Variants in NCOA2 observed in about 807,000 individuals in gnomAD.
NCOA2 encodes class E basic helix-loop-helix protein 75.
Under a neutral mutation model 145.1 loss-of-function variants are expected in NCOA2, and 21 were observed. The observed-to-expected ratio is 0.14, with a 90% CI of 0.10 to 0.21. The LOEUF is 0.21. Ranked by LOEUF, NCOA2 falls within the 10% of genes least tolerant of loss-of-function variation. NCOA2 has a pLI of 1.00. For synonymous variants in NCOA2, 619 were observed against 637.5 expected, an observed-to-expected ratio of 0.97 and a Z score of 0.44; for missense variants, 1,472 against 1,837.6, an observed-to-expected ratio of 0.80 and a Z score of 3.64.
chr8:70,334,235 C>T lies in NCOA2; in HGVS notation c.-76-37435G>A, dbSNP rs80244427. 3.7e-4 allele frequency among the ~76,000 whole-genome samples: 57 copies of T among 152,276 alleles called. No individual in the cohort carries two copies. In the East Asian group the frequency reaches 5.8e-3, roughly 15 times the overall value. On this transcript the variant is annotated intron_variant, in intron 1 of 22. Coordinates refer to ENST00000452400, the MANE Select transcript of NCOA2 (RefSeq NM_006540.4). The stretch of plus-strand genomic sequence containing the variant: ...ATGGACACCAAAGAATCAAATCAGC[C>T]GTATCACTGAACAATCACAAAATGG...
At chr8:70,346,634 A>C (rs1808674457) in intron 1 of NCOA2, among the ~76,000 whole-genome samples, 1 of 152,216 alleles carries the variant, frequency 6.6e-6, no homozygotes, top group Non-Finnish European at 1.5e-5. Flanking sequence ...CTGAGTGTAC[A>C]TTATTCGCCA....
chr8:70,246,053 A>G (rs1020176480), intron 2 of NCOA2, among the ~76,000 whole-genome samples: 11 of 152,266 alleles, frequency 7.2e-5, no homozygotes, highest in African/African-American at 2.2e-4. Context: ...ATCTTAAAAA[A>G]TAATAATCAG....
At chr8:70,277,208 A>G (rs1365847156) in intron 2 of NCOA2, among the ~76,000 whole-genome samples, 2 of 152,200 alleles carry the variant, frequency 1.3e-5, no homozygotes, top group Admixed American at 1.3e-4. Context: ...ATGCCCAAAA[A>G]TGGTCTGTAT....
In NCOA2 at chr8:70,315,055, A is replaced by G. The variant is rs569762469; in HGVS notation, c.-76-18255T>C. On this transcript the variant is annotated intron_variant, in intron 1 of 22. Coordinates refer to ENST00000452400, the MANE Select transcript of NCOA2 (RefSeq NM_006540.4). ...TTTGACGAGCTAAGGAAGGCAATGC[A>G]CTGTGCCTCACAATCACTTTTTGCC... Among the ~76,000 whole-genome samples, 5 of 152,360 alleles carry G rather than the reference A, an allele frequency of 3.3e-5. No individual in the cohort carries two copies. In the East Asian group the frequency reaches 7.7e-4, roughly 24 times the overall value.
intron 4 of NCOA2, among the ~76,000 whole-genome samples, chr8:70,181,596 T>C (rs928180424): frequency 5.1e-4 from 77 of 152,312 alleles, no homozygotes; most frequent in African/African-American, 1.7e-3. Flanking sequence ...TTACAGAAGC[T>C]GTATTATTTA....
chr8:70,400,826 T>C (rs1258138806), intron 1 of NCOA2, among the ~76,000 whole-genome samples: 2 of 152,236 alleles, frequency 1.3e-5, no homozygotes, highest in Non-Finnish European at 2.9e-5. Context: ...TCCCTAGAAC[T>C]GCAGTCCCCT....
intron 1 of NCOA2, among the ~76,000 whole-genome samples, chr8:70,332,725 C>T (rs1464782113): frequency 1.3e-5 from 2 of 152,166 alleles, no homozygotes; most frequent in African/African-American, 2.4e-5. Context: ...GTGACCAACA[C>T]TTGCTTTCTT....
At chr8:70,271,597 C>T (rs185980708) in intron 2 of NCOA2, among the ~76,000 whole-genome samples, 167 of 152,316 alleles carry the variant, frequency 1.1e-3, no homozygotes, top group Non-Finnish European at 3.1e-4. Flanking sequence ...TGATTAAATG[C>T]TTTCCAGAGC....
chr8:70,229,546 AGTT>A (rs1313232300), intron 2 of NCOA2, among the ~76,000 whole-genome samples: 1 of 152,108 alleles, frequency 6.6e-6, no homozygotes, highest in Non-Finnish European at 1.5e-5. Context: ...ACAATGCTAG[AGTT>A]GTTGTGGGGA....
chr8:70,308,200 A>G (rs1189109119), intron 1 of NCOA2, among the ~76,000 whole-genome samples: 1 of 152,182 alleles, frequency 6.6e-6, no homozygotes, highest in Non-Finnish European at 1.5e-5. Flanking sequence ...AAATGTGAAG[A>G]ATCTGACTTT....
chr8:70,212,192 A>C (rs768125364), intron 4 of NCOA2, among the ~76,000 whole-genome samples: 1 of 152,006 alleles, frequency 6.6e-6, no homozygotes. Context: ...AAGAAGCTTA[A>C]TGATTTCTTT....
the NCOA2 span, among the ~76,000 whole-genome samples, chr8:70,415,027 G>A: frequency 6.6e-6 from 1 of 152,116 alleles, no homozygotes; most frequent in African/African-American, 2.4e-5. Context: ...TGGAGACTAG[G>A]CATGGTGGCT....
Position 70,264,574 on chromosome 8 carries a change from T to C in NCOA2, c.-20+32170A>G, listed in dbSNP as rs947387378. Among the ~76,000 whole-genome samples the C allele has an allele frequency of 5.3e-5, 8 of 152,140 alleles. 1 individual carries two copies. In the East Asian group the frequency reaches 9.6e-4, roughly 18 times the overall value. On this transcript the variant is annotated intron_variant, in intron 2 of 22. Transcript: ENST00000452400. ...AGGCTCCAATGTAAATTGGAATAAA[T>C]TGAAAATATTTAATGAAGCTAAAAA...
chr8:70,280,821 C>T (rs567715500), intron 2 of NCOA2, among the ~76,000 whole-genome samples: 2 of 152,182 alleles, frequency 1.3e-5, no homozygotes, highest in East Asian at 3.9e-4. Flanking sequence ...CATTCTACCC[C>T]TTACTTCCAG....
At chr8:70,402,452 CTAGAGGGAGGGG>C (rs1814373036) in intron 1 of NCOA2, 1 of 152,350 alleles carries the variant, frequency 6.6e-6, no homozygotes, top group Non-Finnish European at 1.5e-5. Context: ...CCGGAAACCA[CTAGAGGGAGGGG>C]AAGAGGGAGG....
the NCOA2 span, among the ~76,000 whole-genome samples, chr8:70,421,457 C>T: frequency 2.0e-5 from 3 of 151,998 alleles, no homozygotes; most frequent in Admixed American, 2.0e-4. Flanking sequence ...ACTCAGGATG[C>T]GGAGGCAGGA....
chr8:70,375,885 A>G (rs1371493914), intron 1 of NCOA2, among the ~76,000 whole-genome samples: 1 of 152,246 alleles, frequency 6.6e-6, no homozygotes, highest in Non-Finnish European at 1.5e-5. Flanking sequence ...TGAATTAAGC[A>G]TGACTTTTCC....
chr8:70,438,403 A>G, the NCOA2 span, among the ~76,000 whole-genome samples: 1 of 152,030 alleles, frequency 6.6e-6, no homozygotes, highest in Non-Finnish European at 1.5e-5. Flanking sequence ...TTTTTATTTA[A>G]TCATTAAATT....
chr8:70,334,936 C>A (rs148751810), intron 1 of NCOA2, among the ~76,000 whole-genome samples: 1 of 151,702 alleles, frequency 6.6e-6, no homozygotes, highest in East Asian at 1.9e-4. Context: ...CCAGCCTGAC[C>A]GACACGGTGA....
Sources: allele counts gnomAD v4.1 joint callset (sites outside exome capture counted in the v4.1 genomes callset), GRCh38; gene constraint gnomAD v4.1.1; transcripts MANE v1.5; gene names NCBI Gene and HGNC (gene_info 2026-07-23, HGNC 2026-07-21).